CELF2: variants seen among roughly 807,000 people sequenced by gnomAD.
CELF2 encodes the protein CUG triplet repeat RNA-binding protein 2.
A neutral mutation model predicts 62.6 loss-of-function variants in CELF2; 8 were observed. That is an observed-to-expected ratio of 0.13 (90% CI 0.07 to 0.23). CELF2 has a LOEUF of 0.23. Ranked by LOEUF, CELF2 falls within the 10% of genes least tolerant of loss-of-function variation. The pLI is 1.00. For missense variants in CELF2, 333 were observed against 671.0 expected, an observed-to-expected ratio of 0.50 and a Z score of 5.56; for synonymous variants, 258 against 250.0, an observed-to-expected ratio of 1.03 and a Z score of -0.30.
At position 11,214,795 on chromosome 10, in the gene CELF2, A is replaced by G. The variant is rs1452849387; in HGVS notation, c.272-2630A>G. Among the ~76,000 whole-genome samples the G allele has an allele frequency of 6.6e-6, 1 of 152,246 alleles. No individual in the cohort carries two copies. The highest frequency in any genetic ancestry group is 1.5e-5 in the Non-Finnish European group (1 of 68,042). The stretch of plus-strand genomic sequence containing the variant: ...CTTTTAACTGAAACACTTAAGAACT[A>G]TGCATAGTTGGAAGAGGATCTGTAG... On this transcript the variant is annotated intron_variant, in intron 2 of 12. Coordinates refer to ENST00000633077, the MANE Select transcript of CELF2 (RefSeq NM_001326342.2). This position sits in a 1 kb window ranked among gnomAD's most constrained non-coding sequence, Gnocchi z 4.2.
At chr10:11,253,202 T>C (rs368395688) in intron 4 of CELF2, among the ~76,000 whole-genome samples, 1 of 152,320 alleles carries the variant, frequency 6.6e-6, no homozygotes, top group East Asian at 1.9e-4. Context: ...TTTTACTCTA[T>C]ATACAGAGCG....
Position 10,975,839 on chromosome 10 carries a change from TG to T in CELF2, c.89+55841del, listed in dbSNP as rs1311178319. Among the ~76,000 whole-genome samples, 14 of 152,344 alleles carry T rather than the reference TG, an allele frequency of 9.2e-5. No homozygotes were observed. The South Asian group carries it at 2.9e-3, about 32-fold the overall frequency. ...GAGAGAGCAATCTTTTGTTGAACAG[TG>T]CTGCTCCTTGCAGAGCACAGCTGAC... On this transcript the variant is annotated intron_variant, in intron 2 of 13. Transcript: ENST00000636488.
Position 11,246,295 on chromosome 10 carries a change from A to G in CELF2, c.355-2858A>G, listed in dbSNP as rs1469606026. On this transcript the variant is annotated intron_variant, in intron 3 of 12. Coordinates refer to ENST00000633077, the MANE Select transcript of CELF2 (RefSeq NM_001326342.2). This position sits in a 1 kb window ranked among gnomAD's most constrained non-coding sequence, Gnocchi z 4.6. The stretch of plus-strand genomic sequence containing the variant: ...GGTGCGCTCACCTCATCTCTCCCAT[A>G]TCTTGAACCTGTGAATCTCAGTGGA... Among the ~76,000 whole-genome samples, 4 of 151,918 alleles carry G rather than the reference A, an allele frequency of 2.6e-5. No homozygotes were observed. Among genetic ancestry groups the G allele is most frequent in the Non-Finnish European group, 5.9e-5 (4 of 67,982 alleles).
chr10:10,773,255 C>G, the CELF2 span, among the ~76,000 whole-genome samples: 1 of 152,066 alleles, frequency 6.6e-6, no homozygotes, highest in Non-Finnish European at 1.5e-5. Context: ...TATATGTGCC[C>G]GAGCATGACT....
At chr10:10,641,772 A>T in the CELF2 span, among the ~76,000 whole-genome samples, 4 of 152,162 alleles carry the variant, frequency 2.6e-5, no homozygotes, top group Non-Finnish European at 5.9e-5. Flanking sequence ...AAACAAATTT[A>T]TCATTGACTA....
At chr10:11,103,138 G>A (rs1295215215) in intron 1 of CELF2, among the ~76,000 whole-genome samples, 1 of 151,996 alleles carries the variant, frequency 6.6e-6, no homozygotes, top group Non-Finnish European at 1.5e-5. Flanking sequence ...ACCTCTTGTT[G>A]AGTGACTTCT....
At chr10:11,013,036 T>C (rs1642999436), upstream of CELF2, among the ~76,000 whole-genome samples, 1 of 152,136 alleles carries the variant, frequency 6.6e-6, no homozygotes, top group Admixed American at 6.5e-5. This position sits in a 1 kb window ranked among gnomAD's most constrained non-coding sequence, Gnocchi z 4.1. Flanking sequence ...CTCCTCTTCC[T>C]GGTAATGTCT....
intron 1 of CELF2, among the ~76,000 whole-genome samples, chr10:10,819,910 G>C (rs1010248861): frequency 6.6e-6 from 1 of 151,958 alleles, no homozygotes; most frequent in African/African-American, 2.4e-5. Flanking sequence ...TCCCTTCTCT[G>C]TACCTGATAC....
chr10:10,577,538 T>G, the CELF2 span, among the ~76,000 whole-genome samples: 2 of 145,432 alleles, frequency 1.4e-5, no homozygotes, highest in East Asian at 2.2e-4. Context: ...GTCCCCAGTG[T>G]GTGATGTTCC....
the CELF2 span, among the ~76,000 whole-genome samples, chr10:10,540,159 G>T: frequency 6.6e-6 from 1 of 152,214 alleles, no homozygotes; most frequent in Non-Finnish European, 1.5e-5. Flanking sequence ...CAGATGAAAA[G>T]GGACTTCAAA....
the CELF2 span, among the ~76,000 whole-genome samples, chr10:10,621,742 A>C: frequency 1.3e-5 from 2 of 152,194 alleles, no homozygotes; most frequent in South Asian, 4.1e-4. Context: ...GATCTAGAAC[A>C]AATATATTTA....
At chr10:10,676,912 T>G in the CELF2 span, among the ~76,000 whole-genome samples, 1 of 152,202 alleles carries the variant, frequency 6.6e-6, no homozygotes, top group Non-Finnish European at 1.5e-5. Flanking sequence ...CCAAATTATT[T>G]GGGGAATTAA....
In CELF2 at chr10:11,157,712, G is replaced by A. The variant is rs967465735; in HGVS notation, c.75-7774G>A. ...AACTGAGAATGAGAAGGAAAGAAAA[G>A]GACTCAGGGTAAACCTCAGTTTTGT... is the stretch of plus-strand genomic sequence containing the variant. On this transcript the variant is annotated intron_variant, in intron 1 of 12. Transcript: ENST00000633077. This position sits in a 1 kb window ranked among gnomAD's most constrained non-coding sequence, Gnocchi z 4.9. Among the ~76,000 whole-genome samples, 1 of 152,208 alleles carries A rather than the reference G, an allele frequency of 6.6e-6. No homozygotes were observed.
At chr10:10,646,308 A>C in the CELF2 span, among the ~76,000 whole-genome samples, 1 of 152,238 alleles carries the variant, frequency 6.6e-6, no homozygotes, top group Non-Finnish European at 1.5e-5. Flanking sequence ...TCCATGAACA[A>C]AGACAGAGTA....
chr10:10,508,592 A>C, the CELF2 span, among the ~76,000 whole-genome samples: 6 of 152,036 alleles, frequency 3.9e-5, no homozygotes, highest in African/African-American at 7.3e-5. Flanking sequence ...TCAGTTAGGC[A>C]TACTGGTTGT....
At chr10:11,198,174 A>G (rs1025841041) in intron 2 of CELF2, among the ~76,000 whole-genome samples, 8 of 152,234 alleles carry the variant, frequency 5.3e-5, no homozygotes, top group African/African-American at 1.7e-4. Flanking sequence ...TTAAAAGGAT[A>G]GCTGTGTAAT....
At chr10:10,725,050 T>C in the CELF2 span, among the ~76,000 whole-genome samples, 1 of 152,270 alleles carries the variant, frequency 6.6e-6, no homozygotes, top group African/African-American at 2.4e-5. Context: ...ATGTGTTCAA[T>C]GTTAGCACTA....
chr10:10,760,298 G>C, the CELF2 span, among the ~76,000 whole-genome samples: 1 of 152,096 alleles, frequency 6.6e-6, no homozygotes, highest in Non-Finnish European at 1.5e-5. Context: ...TCTTTATCCT[G>C]AGAACGCCTG....
Position 11,068,090 on chromosome 10 carries a change from G to A in CELF2, c.74+49927G>A, listed in dbSNP as rs780929987. On this transcript the variant is annotated intron_variant, in intron 1 of 12. Coordinates refer to ENST00000633077, the MANE Select transcript of CELF2 (RefSeq NM_001326342.2). ...TGACAGTTATTTCACATAGTGTGGA[G>A]ATAGAACCAAATTTAGACTCATTTT... 2.7e-4 allele frequency among the ~76,000 whole-genome samples: 41 copies of A among 152,232 alleles called. 1 individual carries two copies. The highest frequency in any genetic ancestry group is 4.7e-4 in the Non-Finnish European group (32 of 68,044).
Sources: gnomAD v4.1 joint callset for allele counts (sites outside exome capture counted in the v4.1 genomes callset) on GRCh38, gnomAD v4.1.1 for gene constraint, Gnocchi (gnomAD v3.1) non-coding constraint, MANE v1.5 for transcripts, NCBI Gene and HGNC (gene_info 2026-07-23, HGNC 2026-07-21) for gene names.